The following SEZ6L variants were observed in gnomAD, a reference collection of about 807,000 sequenced individuals.
The protein encoded by SEZ6L is seizure 6-like protein.
SEZ6L carries 37 observed loss-of-function variants against 106.2 expected under a neutral mutation model. The observed-to-expected ratio is 0.35, with a 90% CI of 0.27 to 0.46. The LOEUF (loss-of-function observed/expected upper bound fraction) is 0.46. SEZ6L is among the 20% of genes least tolerant of loss of function. The pLI is 1.00. For missense variants in SEZ6L, 1,172 were observed against 1,332.8 expected (o/e 0.88, Z 1.88); for synonymous variants, 541 against 570.4 (o/e 0.95, Z 0.73).
chr22:26,203,325 T>G (rs1018843664), intron 1 of SEZ6L, among the ~76,000 whole-genome samples: 2 of 152,196 alleles, frequency 1.3e-5, no homozygotes, highest in Non-Finnish European at 1.5e-5. Flanking sequence ...GAGGCCTTTT[T>G]GTTCTCTGCA....
At chr22:26,286,643 C>G (rs1414231424) in intron 1 of SEZ6L, among the ~76,000 whole-genome samples, 2 of 152,060 alleles carry the variant, frequency 1.3e-5, no homozygotes, top group African/African-American at 4.8e-5. Flanking sequence ...CTTGTACCTG[C>G]ATGATGATAT....
rs112662515 is a variant in SEZ6L at position 26,351,279 on chromosome 22, T to C, written c.2599+36T>C. On this transcript the variant is annotated intron_variant, in intron 12 of 16. Transcript: ENST00000248933. Reference sequence around the variant, plus strand: ...TTTAATGAATTGGGCCCCCAGTAGGTAGAAGCAGATTCACTTTCTCTTGTT... The same window carrying C: ...TTTAATGAATTGGGCCCCCAGTAGGCAGAAGCAGATTCACTTTCTCTTGTT... 1.6e-5 allele frequency: 26 copies of C among 1,586,870 alleles called. No individual in the cohort carries two copies. The African/African-American group carries it at 2.7e-4, about 16-fold the overall frequency.
At chr22:26,206,445 T>C (rs1303796635) in intron 1 of SEZ6L, among the ~76,000 whole-genome samples, 2 of 152,240 alleles carry the variant, frequency 1.3e-5, no homozygotes, top group African/African-American at 2.4e-5. Flanking sequence ...TTATCTTAAC[T>C]ACCTTTCAAA....
intron 1 of SEZ6L, among the ~76,000 whole-genome samples, chr22:26,221,829 C>T (rs1329752766): frequency 6.6e-6 from 1 of 151,920 alleles, no homozygotes; most frequent in Non-Finnish European, 1.5e-5. Context: ...CTGCTTGGAC[C>T]CAAGTCAAGA....
rs150005386 is a variant in SEZ6L, at chr22:26,360,168, A to T, written c.2600-5204A>T. 1.8e-4 allele frequency among the ~76,000 whole-genome samples: 28 copies of T among 152,326 alleles called. No individual in the cohort carries two copies. The South Asian group carries it at 5.6e-3, about 30-fold the overall frequency. On this transcript the variant is annotated intron_variant, in intron 12 of 16. Transcript: ENST00000248933. ...AGTTTTAAAAAGAATACTCTGGGTG[A>T]CTAATTAAATTAAAATACCATAGGG...
At chr22:26,211,763 A>T (rs1408095264) in intron 1 of SEZ6L, among the ~76,000 whole-genome samples, 1 of 134,022 alleles carries the variant, frequency 7.5e-6, no homozygotes, top group Admixed American at 8.3e-5. Flanking sequence ...TGAGGCCAAG[A>T]GTTTCAGACC....
intron 1 of SEZ6L, among the ~76,000 whole-genome samples, chr22:26,179,265 C>T (rs952239927): frequency 2.6e-5 from 4 of 152,104 alleles, no homozygotes; most frequent in Admixed American, 2.6e-4. Flanking sequence ...TGGCATATGC[C>T]TGTAGTCCCA....
chr22:26,279,843 T>C (rs1225685475), intron 1 of SEZ6L, among the ~76,000 whole-genome samples: 2 of 152,202 alleles, frequency 1.3e-5, no homozygotes, highest in African/African-American at 4.8e-5. Context: ...GAAGCTGATT[T>C]CCCTGCTCCC....
intron 12 of SEZ6L, among the ~76,000 whole-genome samples, chr22:26,362,722 A>G (rs137968872): frequency 7.2e-5 from 11 of 152,196 alleles, no homozygotes; most frequent in Non-Finnish European, 1.5e-4. Context: ...CCAAGATGCA[A>G]CTCCAGCTGC....
chr22:26,233,026 G>A (rs2078849063), intron 1 of SEZ6L, among the ~76,000 whole-genome samples: 1 of 152,160 alleles, frequency 6.6e-6, no homozygotes, highest in Non-Finnish European at 1.5e-5. Flanking sequence ...CTCCGCCATG[G>A]GTTAATCTAA....
chr22:26,292,547 T>C lies in SEZ6L; in HGVS notation c.236T>C (p.Val79Ala). The change falls in exon 2 of 17, where the codon GTG (valine) becomes GCG (alanine). Residue 79 changes from valine to alanine, a missense_variant. By Grantham distance (64) the Val-to-Ala change is moderately conservative. This residue lies in a region of SEZ6L where 494 missense variants were observed against 445.8 expected (regional missense o/e 1.11). Coordinates refer to ENST00000248933, the MANE Select transcript of SEZ6L (RefSeq NM_021115.5). ...CCCAGTTCCTCACAGTCGGCGGAAGTGCTGGGCGAGCTGGTGCTGGATGGG... is the reference window on the plus strand; with the variant it reads ...CCCAGTTCCTCACAGTCGGCGGAAGCGCTGGGCGAGCTGGTGCTGGATGGG... The part of the protein sequence containing the change: ...APPSSSQSAE[V>A]LGELVLDGTA... 6.2e-7 allele frequency: 1 copy of C among 1,613,836 alleles called. No individual in the cohort carries two copies. Among genetic ancestry groups the C allele is most frequent in the South Asian group, 1.1e-5 (1 of 90,994 alleles).
chr22:26,348,562 G>GAAAGAAAGAAAGAAA lies in SEZ6L; in HGVS notation c.2407+649_2407+650insAAAGAAAGAAAGAAA, dbSNP rs1569473304. Among the ~76,000 whole-genome samples, 92 of 46,916 alleles carry GAAAGAAAGAAAGAAA rather than the reference G, an allele frequency of 2.0e-3. 1 individual carries two copies. The highest frequency in any genetic ancestry group is 4.4e-3 in the South Asian group (6 of 1,364). 30.8% of individuals were successfully genotyped at this position (46,916 alleles called of 152,430 possible). A position where few individuals can be genotyped will look rare whatever the true frequency, so the allele number is the denominator to read the frequency against. Reference sequence around the variant, plus strand: ...GGAAGGAAGGAAGGAAGGAAGGAAGGGAGGAAAGAAAGAAAGAAAGAAAGA... The same window carrying GAAAGAAAGAAAGAAA: ...GGAAGGAAGGAAGGAAGGAAGGAAGGAAAGAAAGAAAGAAAGAGGAAAGAAAGAAAGAAAGAAAGA... On this transcript the variant is annotated intron_variant, in intron 11 of 16. Transcript: ENST00000248933.
At chr22:26,211,614 G>A (rs2078159688) in intron 1 of SEZ6L, among the ~76,000 whole-genome samples, 1 of 151,828 alleles carries the variant, frequency 6.6e-6, no homozygotes, top group Admixed American at 6.6e-5. Flanking sequence ...AGAAAGTGAT[G>A]GTCAGGCCAG....
At chr22:26,377,891 TGTCTTATCCCC>T (rs1263516529) in intron 16 of SEZ6L, 116 bp downstream of exon 16, 2 of 763,698 alleles carry the variant, frequency 2.6e-6, no homozygotes, top group Non-Finnish European at 2.2e-6. Context: ...CCAGTGGTCC[TGTCTTATCCCC>T]ACCAAGAGCC....
At position 26,294,316 on chromosome 22, in the gene SEZ6L, A is replaced by G; in HGVS notation, c.860A>G (p.Asn287Ser). The change falls in exon 3 of 17, where the codon AAT becomes AGT. Residue 287 changes from asparagine (N) to serine (S), a missense_variant. Asn to Ser is a conservative substitution (Grantham distance 46, BLOSUM62 1). Transcript: ENST00000248933. ...APALCSVSFS[N>S]PEGYIDSSDY... The stretch of plus-strand genomic sequence containing the variant: ...GCTCTCTGCAGTGTGAGCTTCTCCA[A>G]TCCTGAGGGGTACATTGACTCCAGC... 4 of 1,613,988 alleles carry G rather than the reference A, an allele frequency of 2.5e-6. No homozygotes were observed. The highest frequency in any genetic ancestry group is 1.1e-5 in the South Asian group (1 of 91,068).
At chr22:26,234,591 A>T (rs919950539) in intron 1 of SEZ6L, among the ~76,000 whole-genome samples, 1 of 152,256 alleles carries the variant, frequency 6.6e-6, no homozygotes, top group African/African-American at 2.4e-5. Context: ...GTATGAGGTC[A>T]TGAATAAGGC....
At chr22:26,278,033 T>C (rs2080609849) in intron 1 of SEZ6L, among the ~76,000 whole-genome samples, 1 of 152,130 alleles carries the variant, frequency 6.6e-6, no homozygotes, top group African/African-American at 2.4e-5. Context: ...TCAGGAGAAC[T>C]GAAATAATTT....
At chr22:26,372,712 A>C (rs1601646392) in intron 13 of SEZ6L, among the ~76,000 whole-genome samples, 1 of 152,300 alleles carries the variant, frequency 6.6e-6, no homozygotes, top group East Asian at 1.9e-4. Context: ...ATGATGACTG[A>C]TGACAAAGAT....
chr22:26,284,218 G>T (rs543470230), intron 1 of SEZ6L, among the ~76,000 whole-genome samples: 1 of 152,198 alleles, frequency 6.6e-6, no homozygotes, highest in Non-Finnish European at 1.5e-5. Flanking sequence ...AACACAAACA[G>T]TTCTGACTCC....
Sources: gnomAD v4.1 joint callset for allele counts (sites outside exome capture counted in the v4.1 genomes callset) on GRCh38, gnomAD v4.1.1 for gene constraint, gnomAD v4.1.1 regional missense constraint, MANE v1.5 for transcripts, NCBI Gene and HGNC (gene_info 2026-07-23, HGNC 2026-07-21) for gene names.